The following NPSR1 variants were observed in gnomAD, a reference collection of about 807,000 sequenced individuals.
NPSR1 encodes the protein neuropeptide S receptor.
Under a neutral mutation model 46.9 loss-of-function variants are expected in NPSR1, and 48 were observed. That is an observed-to-expected ratio of 1.02 (90% confidence interval 0.81 to 1.30). The LOEUF is 1.30. Among genes scored for constraint, NPSR1 ranks in the 50% most tolerant of loss-of-function variants. The pLI is 0.00. For synonymous variants in NPSR1, 176 were observed against 168.1 expected (o/e 1.05, Z -0.36); for missense variants, 450 against 449.5 (o/e 1.00, Z -0.01).
rs1427231685 is a variant in NPSR1, at chr7:34,790,918, ATATATGT to A, written c.384+12366_384+12372del. ...TATGTTATATGTTATATTATATATC[ATATATGT>A]TATATGTTATATTATATATCATATA... On this transcript the variant is annotated intron_variant, in intron 3 of 8. Transcript: ENST00000360581. Among the ~76,000 whole-genome samples the A allele has an allele frequency of 2.5e-4, 32 of 129,064 alleles. 1 individual carries two copies. Among genetic ancestry groups the A allele is most frequent in the Middle Eastern group, 8.3e-3 (1 of 120 alleles). 84.7% of individuals were successfully genotyped at this position (129,064 alleles called of 152,430 possible). A position where few individuals can be genotyped will look rare whatever the true frequency, so the allele number is the denominator to read the frequency against.
chr7:34,834,450 C>A lies in NPSR1; in HGVS notation c.747C>A (p.Ser249=). ...IKSKTYETVI[S]NCSDGKLCSS... is the part of the protein sequence containing the mutation. Reference sequence around the variant, plus strand: ...GCAAAACCTACGAAACAGTGATTTCCAACTGCTCAGGTAAGTCTCTACTCT... The same window carrying A: ...GCAAAACCTACGAAACAGTGATTTCAAACTGCTCAGGTAAGTCTCTACTCT... The change falls in exon 6 of 9, where the codon TCC becomes TCA. Residue 249 remains serine (S), a synonymous_variant. Coordinates refer to ENST00000360581, the MANE Select transcript of NPSR1 (RefSeq NM_207172.2). 6.2e-7 allele frequency: 1 copy of A among 1,610,622 alleles called. No homozygotes were observed. Among genetic ancestry groups the A allele is most frequent in the Non-Finnish European group, 8.5e-7 (1 of 1,176,856 alleles).
intron 2 of NPSR1, among the ~76,000 whole-genome samples, chr7:34,734,406 T>C (rs1218343022): frequency 6.6e-6 from 1 of 152,040 alleles, no homozygotes; most frequent in Non-Finnish European, 1.5e-5. Flanking sequence ...TGGATGGGAA[T>C]GGAGAAACAG....
Position 34,658,372 on chromosome 7 carries a change from C to T in NPSR1, c.-41C>T, listed in dbSNP as rs370457109. ...AGGCAAGCTGGACTCCCTCACTCAG[C>T]TGCAGGAGCAAGGACAGTGAGGCTC... On this transcript the variant is annotated 5_prime_UTR_variant, in exon 1 of 9. Transcript: ENST00000360581. 3.5e-5 allele frequency: 57 copies of T among 1,608,668 alleles called. No homozygotes were observed. The highest frequency in any genetic ancestry group is 4.2e-4 in the Middle Eastern group (2 of 4,806).
At position 34,662,161 on chromosome 7, in the gene NPSR1, A is replaced by T. The variant is rs571779585; in HGVS notation, c.147+3602A>T. ...ACTCATAGGTGAGCACAGAAACATG[A>T]ACTAAGACTGCTAAATATCACCTAA... On this transcript the variant is annotated intron_variant, in intron 1 of 8. Transcript: ENST00000360581. Among the ~76,000 whole-genome samples the T allele has an allele frequency of 6.6e-5, 10 of 152,308 alleles. No individual in the cohort carries two copies. The South Asian group carries it at 2.1e-3, about 32-fold the overall frequency.
chr7:34,729,963 G>C (rs111507785), intron 2 of NPSR1, among the ~76,000 whole-genome samples: 1 of 152,132 alleles, frequency 6.6e-6, no homozygotes, highest in Non-Finnish European at 1.5e-5. Context: ...TAGTAGCAAT[G>C]GGGTTTCACC....
downstream of NPSR1, among the ~76,000 whole-genome samples, chr7:34,850,308 C>T (rs897199590): frequency 6.6e-6 from 1 of 151,510 alleles, no homozygotes; most frequent in African/African-American, 2.4e-5. Flanking sequence ...GATACTGGTT[C>T]TGATAGAAAA....
intron 4 of NPSR1, among the ~76,000 whole-genome samples, chr7:34,820,845 AG>A (rs1333867828): frequency 6.6e-6 from 1 of 152,234 alleles, no homozygotes; most frequent in Non-Finnish European, 1.5e-5. Flanking sequence ...GTTAAGACAA[AG>A]AATTGTGGAG....
chr7:34,747,855 C>T (rs1562699079), intron 2 of NPSR1, among the ~76,000 whole-genome samples: 1 of 152,154 alleles, frequency 6.6e-6, no homozygotes, highest in East Asian at 1.9e-4. Context: ...ATAATGAATG[C>T]TCAGATTCCA....
rs112631825 is a variant in NPSR1, at chr7:34,711,653, G to T, written c.280+26969G>T. Reference sequence around the variant, plus strand: ...TTAGTACTTTTCCAGAGCTTCCCAGGTGATTTTAATTTGCAGCCAGTGCTG... The same window carrying T: ...TTAGTACTTTTCCAGAGCTTCCCAGTTGATTTTAATTTGCAGCCAGTGCTG... On this transcript the variant is annotated intron_variant, in intron 2 of 8. Coordinates refer to ENST00000360581, the MANE Select transcript of NPSR1 (RefSeq NM_207172.2). 7.3e-3 allele frequency among the ~76,000 whole-genome samples: 1,112 copies of T among 152,290 alleles called. 15 individuals are homozygous for T. Among genetic ancestry groups the T allele is most frequent in the African/African-American group, 0.025 (1,041 of 41,566 alleles).
intron 3 of NPSR1, among the ~76,000 whole-genome samples, chr7:34,807,933 T>C (rs1218722702): frequency 3.6e-5 from 5 of 138,108 alleles, no homozygotes; most frequent in Admixed American, 3.6e-4. Context: ...TCCTAATCCC[T>C]GGAACCTGTG....
At chr7:34,670,971 C>T (rs2609219) in intron 1 of NPSR1, among the ~76,000 whole-genome samples, 43,152 of 151,812 alleles carry the variant, frequency 0.28, 7,633 homozygotes, top group African/African-American at 0.51. Flanking sequence ...TATTCAGGCA[C>T]TGCTTAGTAA....
At chr7:34,816,138 C>T (rs1789241283) in intron 4 of NPSR1, among the ~76,000 whole-genome samples, 1 of 149,752 alleles carries the variant, frequency 6.7e-6, no homozygotes, top group Non-Finnish European at 1.5e-5. Flanking sequence ...GATAAAGAGT[C>T]AGGACCCATC....
At position 34,658,380 on chromosome 7, in the gene NPSR1, G is replaced by T. The variant is rs1307727712; in HGVS notation, c.-33G>T. The T allele has an allele frequency of 6.2e-7, 1 of 1,611,408 alleles. No individual in the cohort carries two copies. The highest frequency in any genetic ancestry group is 1.3e-5 in the African/African-American group (1 of 75,006). Reference sequence around the variant, plus strand: ...TGGACTCCCTCACTCAGCTGCAGGAGCAAGGACAGTGAGGCTCAACCCCGC... The same window carrying T: ...TGGACTCCCTCACTCAGCTGCAGGATCAAGGACAGTGAGGCTCAACCCCGC... On this transcript the variant is annotated 5_prime_UTR_variant, in exon 1 of 9. Coordinates refer to ENST00000360581, the MANE Select transcript of NPSR1 (RefSeq NM_207172.2).
chr7:34,778,281 T>C (rs1228631892), intron 2 of NPSR1, among the ~76,000 whole-genome samples, 181 bp from the exon 3 acceptor site: 2 of 152,116 alleles, frequency 1.3e-5, no homozygotes, highest in Admixed American at 6.6e-5. Context: ...GCTTCAGTAA[T>C]ATAAGTCAAA....
intron 2 of NPSR1, among the ~76,000 whole-genome samples, chr7:34,726,350 C>T (rs910051815): frequency 1.3e-5 from 2 of 152,196 alleles, no homozygotes; most frequent in Non-Finnish European, 2.9e-5. Context: ...ATCCAGAACA[C>T]TGACAACACC....
chr7:34,698,161 T>C (rs1045300341), intron 2 of NPSR1, among the ~76,000 whole-genome samples: 1 of 152,196 alleles, frequency 6.6e-6, no homozygotes, highest in Non-Finnish European at 1.5e-5. Context: ...TATCTGTGTC[T>C]TAGAATTTGC....
chr7:34,874,244 T>A (rs1791526773), intron 8 of NPSR1, among the ~76,000 whole-genome samples: 1 of 152,234 alleles, frequency 6.6e-6, no homozygotes, highest in Non-Finnish European at 1.5e-5. Context: ...CTTATCTGTG[T>A]GCACCTCCCT....
chr7:34,792,734 T>TTTTTATATATATATGTATATA (rs1787994356), intron 3 of NPSR1, among the ~76,000 whole-genome samples: 1 of 123,306 alleles, frequency 8.1e-6, no homozygotes, highest in Non-Finnish European at 1.7e-5. Flanking sequence ...TATATATATA[T>TTTTTATATATATATGTATATA]TAGCCAGGCA....
chr7:34,759,235 CA>C (rs1167752496), intron 2 of NPSR1, among the ~76,000 whole-genome samples: 1 of 152,118 alleles, frequency 6.6e-6, no homozygotes, highest in Admixed American at 6.5e-5. Context: ...CAGCACTTAC[CA>C]TACAGTGTAG....
Sources: allele counts gnomAD v4.1 joint callset (sites outside exome capture counted in the v4.1 genomes callset), GRCh38; gene constraint gnomAD v4.1.1; transcripts MANE v1.5; gene names NCBI Gene and HGNC (gene_info 2026-07-23, HGNC 2026-07-21).